The following CMTM7 variants were observed in gnomAD, a reference collection of about 807,000 sequenced individuals.
The protein encoded by CMTM7 is CKLF-like MARVEL transmembrane domain-containing protein 7.
A neutral mutation model predicts 19.3 loss-of-function variants in CMTM7; 7 were observed. The observed-to-expected ratio is 0.36, with a 90% confidence interval of 0.21 to 0.68. The LOEUF is 0.68. Ranked by LOEUF, CMTM7 falls within the 30% of genes least tolerant of loss-of-function variation. The probability of loss-of-function intolerance (pLI) is 0.60; values close to 1 mark genes in which losing one functional copy is unlikely to be tolerated. For missense variants in CMTM7, 193 were observed against 232.6 expected (o/e 0.83, Z 1.11); for synonymous variants, 87 against 99.3 (o/e 0.88, Z 0.74).
At chr3:32,436,231 A>T (rs1696595421) in intron 1 of CMTM7, among the ~76,000 whole-genome samples, 2 of 152,214 alleles carry the variant, frequency 1.3e-5, no homozygotes, top group South Asian at 4.1e-4. Context: ...CTGGAGCAAG[A>T]TTCTGATGTT....
intron 1 of CMTM7, among the ~76,000 whole-genome samples, chr3:32,396,430 C>T (rs1695919521): frequency 6.6e-6 from 1 of 152,048 alleles, no homozygotes; most frequent in African/African-American, 2.4e-5. Flanking sequence ...TTGCTTGAAT[C>T]CAGGAGGCAG....
At chr3:32,401,627 C>T (rs1404809632) in intron 1 of CMTM7, among the ~76,000 whole-genome samples, 2 of 152,264 alleles carry the variant, frequency 1.3e-5, no homozygotes, top group East Asian at 3.9e-4. Flanking sequence ...CGCCACTGGA[C>T]AGCCATCTGT....
At chr3:32,393,533 T>C (rs1695871164) in intron 1 of CMTM7, among the ~76,000 whole-genome samples, 2 of 152,124 alleles carry the variant, frequency 1.3e-5, no homozygotes, top group African/African-American at 2.4e-5. Context: ...GACAAAGATA[T>C]TGTGGGATGA....
intron 1 of CMTM7, among the ~76,000 whole-genome samples, chr3:32,416,825 G>C (rs1357407436): frequency 7.0e-6 from 1 of 143,478 alleles, no homozygotes; most frequent in Non-Finnish European, 1.5e-5. Context: ...CCAGGGCAGA[G>C]AAAGTCAGAG....
Position 32,449,959 on chromosome 3 carries a change from T to TTA in CMTM7, c.432+407_432+408insTA. Reference sequence around the variant, plus strand: ...CAATTAGAGATACATGCCATGAGCCTGAGCTTTGCCATTCCTGATTTTTAA... The same window carrying TTA: ...CAATTAGAGATACATGCCATGAGCCTTAGAGCTTTGCCATTCCTGATTTTTAA... On this transcript the variant is annotated intron_variant, in intron 3 of 4. Transcript: ENST00000334983. This position sits in a 1 kb window ranked among gnomAD's most constrained non-coding sequence, Gnocchi z 4.5. Among the ~76,000 whole-genome samples the TTA allele has an allele frequency of 6.6e-6, 1 of 152,220 alleles. No homozygotes were observed. Among genetic ancestry groups the TTA allele is most frequent in the Non-Finnish European group, 1.5e-5 (1 of 68,038 alleles).
In CMTM7 at chr3:32,454,664, T is replaced by G. The variant is rs949239240; in HGVS notation, c.*410T>G. Reference sequence around the variant, plus strand: ...AGAAACAAAGCCCTGTCCTAATTTATCTAGCTTGTCAGTCCGGTCTTAGAG... The same window carrying G: ...AGAAACAAAGCCCTGTCCTAATTTAGCTAGCTTGTCAGTCCGGTCTTAGAG... On this transcript the variant is annotated 3_prime_UTR_variant, in exon 5 of 5. Transcript: ENST00000334983. The G allele has an allele frequency of 2.7e-6, 1 of 365,602 alleles. No individual in the cohort carries two copies. The highest frequency in any genetic ancestry group is 5.4e-6 in the Non-Finnish European group (1 of 186,520). 22.6% of individuals were successfully genotyped at this position (365,602 alleles called of 1,614,324 possible).
intron 2 of CMTM7, among the ~76,000 whole-genome samples, chr3:32,444,233 A>G (rs1032657911): frequency 2.6e-5 from 4 of 152,150 alleles, no homozygotes; most frequent in Non-Finnish European, 5.9e-5. Context: ...TGTTTTTTGC[A>G]TAGGGTGTGA....
chr3:32,413,909 T>C (rs1345930131), intron 1 of CMTM7, among the ~76,000 whole-genome samples: 1 of 152,116 alleles, frequency 6.6e-6, no homozygotes, highest in Non-Finnish European at 1.5e-5. Context: ...TCCCCACAAA[T>C]TGATGTCCAC....
At chr3:32,409,881 C>T (rs1178559863) in intron 1 of CMTM7, among the ~76,000 whole-genome samples, 1 of 152,190 alleles carries the variant, frequency 6.6e-6, no homozygotes, top group African/African-American at 2.4e-5. Flanking sequence ...TGCTGGATGT[C>T]CTGTTCTTTT....
intron 1 of CMTM7, among the ~76,000 whole-genome samples, chr3:32,434,079 C>T (rs1282602842): frequency 6.6e-6 from 1 of 151,920 alleles, no homozygotes; most frequent in Non-Finnish European, 1.5e-5. Flanking sequence ...ATCCGAGCTA[C>T]GTGGGAGGCT....
intron 2 of CMTM7, among the ~76,000 whole-genome samples, chr3:32,442,652 G>A (rs776394356): frequency 1.1e-4 from 16 of 152,188 alleles, no homozygotes; most frequent in Non-Finnish European, 2.1e-4. Context: ...TATTGATGCT[G>A]TTGTGAGGAT....
At chr3:32,396,527 C>T (rs1313504866) in intron 1 of CMTM7, among the ~76,000 whole-genome samples, 1 of 151,752 alleles carries the variant, frequency 6.6e-6, no homozygotes, top group African/African-American at 2.4e-5. Context: ...ACAACAACAA[C>T]AAAATTGGTG....
At chr3:32,452,109 G>T in intron 3 of CMTM7, 1 of 1,440,796 alleles carries the variant, frequency 6.9e-7, no homozygotes, top group Non-Finnish European at 9.2e-7. Context: ...GCTTGTAAAT[G>T]TAAACCCAGA....
At position 32,454,452 on chromosome 3, in the gene CMTM7, C is replaced by T. The variant is rs1019900450; in HGVS notation, c.*198C>T. ...AGCCAGCCGGAAACTCTTCCTCCAG[C>T]CTTCCGGGGAGAACATCCCTCCCAT... On this transcript the variant is annotated 3_prime_UTR_variant, in exon 5 of 5. Coordinates refer to ENST00000334983, the MANE Select transcript of CMTM7 (RefSeq NM_138410.4). 1.3e-5 allele frequency: 9 copies of T among 718,150 alleles called. No homozygotes were observed. Among genetic ancestry groups the T allele is most frequent in the Non-Finnish European group, 2.0e-5 (8 of 396,622 alleles). 44.5% of individuals were successfully genotyped at this position (718,150 alleles called of 1,614,324 possible).
At chr3:32,452,953 T>A (rs866115931) in intron 4 of CMTM7, among the ~76,000 whole-genome samples, 4 of 64,524 alleles carry the variant, frequency 6.2e-5, no homozygotes, top group East Asian at 7.4e-4. Flanking sequence ...TTTTTTTTTT[T>A]AGAGTTGGAG....
chr3:32,421,952 A>T (rs1409885036), intron 1 of CMTM7, among the ~76,000 whole-genome samples: 1 of 152,204 alleles, frequency 6.6e-6, no homozygotes, highest in Non-Finnish European at 1.5e-5. Context: ...CATGCCAAAG[A>T]TGAGGAAACT....
Position 32,396,494 on chromosome 3 carries a change from G to A in CMTM7, c.159+4429G>A, listed in dbSNP as rs182863436. Among the ~76,000 whole-genome samples, 476 of 152,106 alleles carry A rather than the reference G, an allele frequency of 3.1e-3. 7 individuals carry two copies. The highest frequency in any genetic ancestry group is 1.5e-3 in the South Asian group (7 of 4,820). On this transcript the variant is annotated intron_variant, in intron 1 of 4. Transcript: ENST00000334983. ...TGTACTCTAACCTGGGTGACACAGCGAGACTCCGTCACAAAAACAACAACA... is the reference window on the plus strand; with the variant it reads ...TGTACTCTAACCTGGGTGACACAGCAAGACTCCGTCACAAAAACAACAACA...
intron 1 of CMTM7, among the ~76,000 whole-genome samples, chr3:32,414,258 G>C (rs1696224777): frequency 6.6e-6 from 1 of 152,108 alleles, no homozygotes; most frequent in African/African-American, 2.4e-5. Context: ...ACATTTTCTT[G>C]GTTCAGTTTT....
chr3:32,452,425 G>T lies in CMTM7; in HGVS notation c.466G>T (p.Ala156Ser), dbSNP rs754083151. Residue 156 changes from alanine to serine, a missense_variant, in exon 4 of 5, where the codon GCA (alanine) becomes TCA (serine). Transcript: ENST00000334983. ...FGFMATFLCM[A>S]SIWLSYKISC... ...TTTCATGGCCACCTTCCTCTGCATG[G>T]CAAGCATATGGCTGTCCTATAAGAT... 2 of 1,614,138 alleles carry T rather than the reference G, an allele frequency of 1.2e-6. No individual in the cohort carries two copies. Among genetic ancestry groups the T allele is most frequent in the Non-Finnish European group, 1.7e-6 (2 of 1,180,028 alleles).
Sources: allele counts gnomAD v4.1 joint callset (sites outside exome capture counted in the v4.1 genomes callset), GRCh38; gene constraint gnomAD v4.1.1; non-coding constraint Gnocchi (gnomAD v3.1); transcripts MANE v1.5; gene names NCBI Gene and HGNC (gene_info 2026-07-23, HGNC 2026-07-21).